Variants in AMER1 observed in about 807,000 individuals in gnomAD.
AMER1 encodes APC membrane recruitment protein 1, also known as RP11-403E24.2.
AMER1 carries 16 observed loss-of-function variants against 53.0 expected under a neutral mutation model. The ratio of observed to expected loss-of-function variants is 0.30; its 90% CI spans 0.20 to 0.46. AMER1 has a LOEUF of 0.46. Ranked by LOEUF, AMER1 falls within the 20% of genes least tolerant of loss-of-function variation. The pLI is 1.00. For missense variants in AMER1, 947 were observed against 884.9 expected (o/e 1.07, Z -0.89); for synonymous variants, 354 against 331.9 (o/e 1.07, Z -0.73).
chrX:64,192,957 GACA>G lies in AMER1; in HGVS notation c.327_329del (p.Val110del), dbSNP rs1057064140. The G allele has an allele frequency of 1.4e-5, 17 of 1,211,782 alleles. No homozygotes were observed. Among genetic ancestry groups the G allele is most frequent in the Non-Finnish European group, 1.9e-5 (17 of 895,553 alleles). On this transcript the variant is annotated inframe_deletion, in exon 2 of 2. Coordinates refer to ENST00000374869, the MANE Select transcript of AMER1 (RefSeq NM_152424.4). ...GCAGGGAGAAGCCAGTTCCTTCACT[GACA>G]ACATCTTCAGGGCCATGGGCTGCTT...
rs1053052182 is a variant in AMER1, at chrX:64,187,122, T to C, written c.*2757A>G. On this transcript the variant is annotated 3_prime_UTR_variant, in exon 2 of 2. Transcript: ENST00000374869. Reference sequence around the variant, plus strand: ...CACCCAAGCCAGCACTAGTCTGTGTTTGGAAACAGGCCTGAAGCTTGGCTG... The same window carrying C: ...CACCCAAGCCAGCACTAGTCTGTGTCTGGAAACAGGCCTGAAGCTTGGCTG... 2.5e-6 allele frequency: 2 copies of C among 784,645 alleles called. No individual in the cohort carries two copies. The highest frequency in any genetic ancestry group is 3.0e-6 in the Non-Finnish European group (2 of 658,347). 64.7% of individuals were successfully genotyped at this position (784,645 alleles called of 1,213,427 possible).
chrX:64,205,377 G>A (rs1327906947), intron 1 of AMER1, among the ~76,000 whole-genome samples, 193 bp downstream of exon 1: 1 of 94,571 alleles, frequency 1.1e-5, no homozygotes, highest in African/African-American at 4.0e-5. Context: ...GGTCGCTTGT[G>A]CCCAGGGGAC....
chrX:64,190,764 A>T lies in AMER1; in HGVS notation c.2523T>A (p.Phe841Leu), dbSNP rs2147085892. The T allele has an allele frequency of 8.3e-7, 1 of 1,206,825 alleles. No homozygotes were observed. The highest frequency in any genetic ancestry group is 1.1e-6 in the Non-Finnish European group (1 of 892,852). ...CATGTTTGTGATAGTAGCCCAGCTC[A>T]AAGGCTTCCAAGGAGGCTGCAAGAT... ...DEDLAASLEAFELGYYHKHAF... is the reference protein window; with the variant it reads ...DEDLAASLEALELGYYHKHAF... The change falls in exon 2 of 2, where the codon TTT becomes TTA. Residue 841 changes from phenylalanine to leucine, a missense_variant. Physicochemically the swap from Phe to Leu is conservative, Grantham distance 22. Transcript: ENST00000374869.
chrX:64,191,809 T>A lies in AMER1; in HGVS notation c.1478A>T (p.Asp493Val), dbSNP rs765618758. ...ACTGTAGCTGTCTCGGGGTAGACAA[T>A]CCCTGCGGACAAGCCCCAGGGCCTC... ...SGEALGLVRR[D>V]CLPRDSYSGD... The change falls in exon 2 of 2, where the codon GAT (aspartate) becomes GTT (valine). Residue 493 changes from aspartate (D) to valine (V), a missense_variant. By Grantham distance (152) the Asp-to-Val change is radical (BLOSUM62 -3). Transcript: ENST00000374869. The A allele has an allele frequency of 8.3e-7, 1 of 1,209,729 alleles. No individual in the cohort carries two copies. Among genetic ancestry groups the A allele is most frequent in the Admixed American group, 2.2e-5 (1 of 45,821 alleles).
At chrX:64,194,757 T>C (rs1160653550) in intron 1 of AMER1, among the ~76,000 whole-genome samples, 1 of 111,235 alleles carries the variant, frequency 9.0e-6, no homozygotes, top group Non-Finnish European at 1.9e-5. Flanking sequence ...ATAATAAGAC[T>C]CACACATTCA....
At chrX:64,201,848 T>A (rs1217163240) in intron 1 of AMER1, among the ~76,000 whole-genome samples, 1 of 111,898 alleles carries the variant, frequency 8.9e-6, no homozygotes, top group Admixed American at 9.4e-5. Context: ...AAATTTCGTG[T>A]TTCTTTGAGA....
rs2147088818 is a variant in AMER1, at chrX:64,192,062, G to T, written c.1225C>A (p.Leu409Met). ...GGATACATTTGGGCAGTTTCCCACA[G>T]ATATTCTAAGTCATCATCTTCTTCC... ...EEEEDDDLEY[L>M]WETAQMYPRP... Residue 409 changes from leucine (L) to methionine (M), a missense_variant, in exon 2 of 2, where the codon CTG (leucine) becomes ATG (methionine). Leu to Met is a conservative substitution (Grantham distance 15). Transcript: ENST00000374869. 8.3e-7 allele frequency: 1 copy of T among 1,211,896 alleles called. No homozygotes were observed.
At chrX:64,199,994 T>C (rs1292616481) in intron 1 of AMER1, among the ~76,000 whole-genome samples, 2 of 112,609 alleles carry the variant, frequency 1.8e-5, no homozygotes, top group Non-Finnish European at 3.8e-5. Flanking sequence ...TCCCTAGAAA[T>C]GGGCTTTCCT....
chrX:64,188,971 G>GAAA lies in AMER1; in HGVS notation c.*905_*907dup. Reference sequence around the variant, plus strand: ...CAGGTAGTCACAAGCTTAAAAGAAGGAAAAAAAATCCTATCATTCCGGAGC... The same window carrying GAAA: ...CAGGTAGTCACAAGCTTAAAAGAAGGAAAAAAAAAAATCCTATCATTCCGGAGC... On this transcript the variant is annotated 3_prime_UTR_variant, in exon 2 of 2. Coordinates refer to ENST00000374869, the MANE Select transcript of AMER1 (RefSeq NM_152424.4). 8.7e-6 allele frequency: 7 copies of GAAA among 806,699 alleles called. No individual in the cohort carries two copies. Among genetic ancestry groups the GAAA allele is most frequent in the Non-Finnish European group, 1.0e-5 (7 of 671,689 alleles). 66.5% of individuals were successfully genotyped at this position (806,699 alleles called of 1,213,427 possible).
intron 1 of AMER1, among the ~76,000 whole-genome samples, chrX:64,203,572 G>A (rs1301930221): frequency 1.8e-5 from 2 of 111,505 alleles, no homozygotes; most frequent in South Asian, 3.8e-4. Context: ...TATAATTTAA[G>A]CCTGAATATG....
intron 1 of AMER1, among the ~76,000 whole-genome samples, chrX:64,195,384 C>T (rs1311602704): frequency 8.0e-5 from 9 of 112,212 alleles, no homozygotes; most frequent in Non-Finnish European, 1.1e-4. Context: ...CTCTGGAATT[C>T]AGTGCTTCAG....
At chrX:64,199,339 A>G (rs904589981) in intron 1 of AMER1, among the ~76,000 whole-genome samples, 2 of 112,124 alleles carry the variant, frequency 1.8e-5, no homozygotes, top group African/African-American at 6.5e-5. Flanking sequence ...GCAGGAGCTC[A>G]AACAATGCTG....
intron 1 of AMER1, among the ~76,000 whole-genome samples, chrX:64,195,251 G>T (rs1381159646): frequency 8.9e-6 from 1 of 111,786 alleles, no homozygotes; most frequent in African/African-American, 3.3e-5. Context: ...ATGTCTGAAT[G>T]CCCCACTTTC....
intron 1 of AMER1, among the ~76,000 whole-genome samples, chrX:64,205,292 C>G (rs1302073011): frequency 2.7e-5 from 3 of 111,003 alleles, no homozygotes; most frequent in East Asian, 5.8e-4. Flanking sequence ...CCCCGCCCCC[C>G]CGAAAGCCGG....
Position 64,189,793 on chromosome X carries a change from A to AGGGGGGCCC in AMER1, c.*85_*86insGGGCCCCCC. 1 of 292,072 alleles carries AGGGGGGCCC rather than the reference A, an allele frequency of 3.4e-6. No homozygotes were observed. Among genetic ancestry groups the AGGGGGGCCC allele is most frequent in the Non-Finnish European group, 4.9e-6 (1 of 204,830 alleles). The allele number at this position is 292,072 out of a possible 1,213,427, so 24.1% of individuals were successfully genotyped here. ...CAAAGGGTTTTCAAGTTAAACAACA[A>AGGGGGGCCC]CCCCCACCCCCCCACCCTTCTGCCC... is the stretch of plus-strand genomic sequence containing the variant. On this transcript the variant is annotated 3_prime_UTR_variant, in exon 2 of 2. Coordinates refer to ENST00000374869, the MANE Select transcript of AMER1 (RefSeq NM_152424.4).
intron 1 of AMER1, among the ~76,000 whole-genome samples, chrX:64,194,517 C>T (rs901631769): frequency 4.5e-5 from 5 of 111,777 alleles, no homozygotes; most frequent in Non-Finnish European, 7.5e-5. Context: ...TCTGGTCATC[C>T]GCTAGCTCAG....
rs2147085856 is a variant in AMER1 at position 64,190,748 on chromosome X, G to C, written c.2539C>G (p.His847Asp). 1 of 1,206,193 alleles carries C rather than the reference G, an allele frequency of 8.3e-7. No homozygotes were observed. Among genetic ancestry groups the C allele is most frequent in the Non-Finnish European group, 1.1e-6 (1 of 892,528 alleles). The change falls in exon 2 of 2, where the codon CAC becomes GAC. Residue 847 changes from histidine to aspartate, a missense_variant. Coordinates refer to ENST00000374869, the MANE Select transcript of AMER1 (RefSeq NM_152424.4). ...TGGTAGTTGTTGAAGGCATGTTTGT[G>C]ATAGTAGCCCAGCTCAAAGGCTTCC... ...SLEAFELGYYHKHAFNNYHSR... is the reference protein window; with the variant it reads ...SLEAFELGYYDKHAFNNYHSR...
At chrX:64,203,412 C>G (rs960412864) in intron 1 of AMER1, among the ~76,000 whole-genome samples, 1 of 111,735 alleles carries the variant, frequency 8.9e-6, no homozygotes, top group Non-Finnish European at 1.9e-5. Context: ...CCGGAACAAT[C>G]ATTAACTGCT....
intron 1 of AMER1, among the ~76,000 whole-genome samples, chrX:64,201,492 A>ACAC (rs1439037682): frequency 1.1e-5 from 1 of 89,584 alleles, no homozygotes; most frequent in African/African-American, 6.5e-5. Flanking sequence ...CACACACACA[A>ACAC]GGTTTAACTA....
Sources: gnomAD v4.1 joint callset for allele counts (sites outside exome capture counted in the v4.1 genomes callset) on GRCh38, gnomAD v4.1.1 for gene constraint, MANE v1.5 for transcripts, NCBI Gene and HGNC (gene_info 2026-07-23, HGNC 2026-07-21) for gene names.